Variants in MTOR observed in about 807,000 individuals in gnomAD.
MTOR encodes mechanistic target of rapamycin kinase.
Under a neutral mutation model 319.8 loss-of-function variants are expected in MTOR, and 70 were observed. The observed-to-expected ratio is 0.22, with a 90% CI of 0.18 to 0.27. MTOR has a LOEUF of 0.27. Ranked by LOEUF, MTOR falls within the 10% of genes least tolerant of loss-of-function variation. MTOR has a pLI of 1.00. For missense variants in MTOR, 1,890 were observed against 3,274.4 expected (o/e 0.58, Z 10.32); for synonymous variants, 1,183 against 1,211.4 (o/e 0.98, Z 0.49).
intron 28 of MTOR, chr1:11,189,650 C>T (rs757936149): frequency 1.9e-5 from 30 of 1,614,002 alleles, no homozygotes; most frequent in South Asian, 1.5e-4. Flanking sequence ...AGCCACCCAG[C>T]GTGGCTGCAG....
chr1:11,205,383 C>G (rs1646105161), intron 25 of MTOR, among the ~76,000 whole-genome samples: 2 of 152,222 alleles, frequency 1.3e-5, no homozygotes, highest in Non-Finnish European at 1.5e-5. Context: ...AGTTATATAA[C>G]ATAATTGGCT....
intron 10 of MTOR, 142 bp downstream of exon 10, chr1:11,241,411 T>C: frequency 1.1e-6 from 1 of 919,668 alleles, no homozygotes; most frequent in Non-Finnish European, 1.6e-6. Context: ...TAGGATTCAG[T>C]ACTAGCCTGT....
chr1:11,224,934 G>A (rs2100838421), intron 19 of MTOR, among the ~76,000 whole-genome samples: 1 of 152,254 alleles, frequency 6.6e-6, no homozygotes, highest in South Asian at 2.1e-4. Context: ...AGTTTTAAGT[G>A]AAAGAAGCCA....
In MTOR at chr1:11,115,338, GA is replaced by G; in HGVS notation, c.7089+57del. Reference sequence around the variant, plus strand: ...CTTAAGTCTGCCTACAGTGTCAGAGGAGGGGGAAAAGTGATCACCCGGGAAG... The same window carrying G: ...CTTAAGTCTGCCTACAGTGTCAGAGGGGGGGAAAAGTGATCACCCGGGAAG... On this transcript the variant is annotated intron_variant, in intron 51 of 57. Transcript: ENST00000361445. The surrounding 1 kb of genome is among the most constrained non-coding windows in gnomAD (Gnocchi z 4.5). 6.5e-7 allele frequency: 1 copy of G among 1,541,314 alleles called. No homozygotes were observed. Among genetic ancestry groups the G allele is most frequent in the African/African-American group, 1.4e-5 (1 of 73,490 alleles).
chr1:11,175,674 T>G (rs924781147), intron 28 of MTOR, among the ~76,000 whole-genome samples: 1 of 151,572 alleles, frequency 6.6e-6, no homozygotes, highest in Non-Finnish European at 1.5e-5. Context: ...GGAGTGACGG[T>G]AGAGCAGCTC....
chr1:11,124,160 G>C (rs1014351648), intron 47 of MTOR, among the ~76,000 whole-genome samples: 3 of 151,988 alleles, frequency 2.0e-5, no homozygotes, highest in Non-Finnish European at 4.4e-5. Context: ...GAATTCCTGG[G>C]CTCAAGTGAT....
At chr1:11,222,016 G>C (rs1417487489) in intron 19 of MTOR, among the ~76,000 whole-genome samples, 3 of 151,348 alleles carry the variant, frequency 2.0e-5, no homozygotes, top group Admixed American at 6.6e-5. Context: ...TGGGAGGTGG[G>C]AAGGTGCCTG....
intron 25 of MTOR, 145 bp from the exon 26 acceptor site, chr1:11,204,848 G>C: frequency 1.0e-6 from 1 of 992,796 alleles, no homozygotes. Flanking sequence ...AAATACAAAA[G>C]AATAATATTT....
At position 11,115,627 on chromosome 1, in the gene MTOR, C is replaced by A; in HGVS notation, c.7017-159G>T. ...TTCTGCAAGTCCAGTTTTACTGGAA[C>A]ACACAGCACGCTCCCTTGTTTAAGT... On this transcript the variant is annotated intron_variant, in intron 50 of 57. Transcript: ENST00000361445. The surrounding 1 kb of genome is among the most constrained non-coding windows in gnomAD (Gnocchi z 4.5). 1.5e-6 allele frequency: 1 copy of A among 652,000 alleles called. No individual in the cohort carries two copies. 40.4% of individuals were successfully genotyped at this position (652,000 alleles called of 1,614,324 possible). A position where few individuals can be genotyped will look rare whatever the true frequency, so the allele number is the denominator to read the frequency against.
At chr1:11,150,261 A>T in intron 30 of MTOR, 35 bp from the exon 31 acceptor site, 1 of 1,565,632 alleles carries the variant, frequency 6.4e-7, no homozygotes, top group Non-Finnish European at 8.7e-7. Flanking sequence ...AGATTAATCC[A>T]AATCTCCTTA....
chr1:11,121,090 C>G lies in MTOR; in HGVS notation c.6933+156G>C, dbSNP rs17848567. 8.5e-5 allele frequency among the ~76,000 whole-genome samples: 13 copies of G among 152,340 alleles called. No homozygotes were observed. In the East Asian group the frequency reaches 2.5e-3, roughly 29 times the overall value. ...ATTCTAACTCTGTGAACTTGTCTTGCTCACCCATTTCATTTTTGTTAGAAA... is the reference window on the plus strand; with the variant it reads ...ATTCTAACTCTGTGAACTTGTCTTGGTCACCCATTTCATTTTTGTTAGAAA... On this transcript the variant is annotated intron_variant, in intron 49 of 57. Transcript: ENST00000361445. This position sits in a 1 kb window ranked among gnomAD's most constrained non-coding sequence, Gnocchi z 4.9.
intron 19 of MTOR, among the ~76,000 whole-genome samples, chr1:11,218,140 T>C (rs1646536545): frequency 6.6e-6 from 1 of 152,128 alleles, no homozygotes; most frequent in Non-Finnish European, 1.5e-5. Context: ...TATACAAATA[T>C]GTTATTACAG....
intron 33 of MTOR, 106 bp downstream of exon 33, chr1:11,144,862 A>G (rs1643880674): frequency 6.6e-7 from 1 of 1,506,192 alleles, no homozygotes; most frequent in African/African-American, 1.4e-5. Flanking sequence ...CCGATCAGAG[A>G]AAACAGGCAT....
rs1263698950 is a variant in MTOR at position 11,134,475 on chromosome 1, G to C, written c.5131-9C>G. 4 of 1,613,488 alleles carry C rather than the reference G, an allele frequency of 2.5e-6. No individual in the cohort carries two copies. In the South Asian group the frequency reaches 3.3e-5, roughly 13 times the overall value. On this transcript the variant is annotated splice_polypyrimidine_tract_variant and intron_variant, in intron 36 of 57. Coordinates refer to ENST00000361445, the MANE Select transcript of MTOR (RefSeq NM_004958.4). ...TGCTGGAAGGCATCGATCTGTAACA[G>C]GACAAAGGCACAGAGAGCCACTTGG...
chr1:11,114,219 T>C (rs1642044518), intron 53 of MTOR, 99 bp downstream of exon 53: 2 of 1,487,366 alleles, frequency 1.3e-6, no homozygotes, highest in Non-Finnish European at 1.8e-6. Flanking sequence ...GGTCTCGAAC[T>C]CCTGGCCTCA....
At chr1:11,154,926 G>T (rs934259071) in intron 30 of MTOR, among the ~76,000 whole-genome samples, 1 of 151,660 alleles carries the variant, frequency 6.6e-6, no homozygotes, top group Non-Finnish European at 1.5e-5. Context: ...AGGGAGGATC[G>T]CTTGAACCCC....
intron 19 of MTOR, among the ~76,000 whole-genome samples, chr1:11,217,114 A>C (rs999965543): frequency 6.6e-6 from 1 of 152,176 alleles, no homozygotes; most frequent in East Asian, 1.9e-4. Flanking sequence ...GGTCTTAATT[A>C]ATTAACTATG....
At chr1:11,249,568 T>C (rs1206100724) in intron 6 of MTOR, among the ~76,000 whole-genome samples, 1 of 144,518 alleles carries the variant, frequency 6.9e-6, no homozygotes, top group Non-Finnish European at 1.5e-5. Context: ...CCCTGCGGCC[T>C]TCCGCAGTGT....
At position 11,115,680 on chromosome 1, in the gene MTOR, A is replaced by G. The variant is rs760216502; in HGVS notation, c.7017-212T>C. 9 of 533,884 alleles carry G rather than the reference A, an allele frequency of 1.7e-5. No homozygotes were observed. Among genetic ancestry groups the G allele is most frequent in the Admixed American group, 3.0e-5 (1 of 32,800 alleles). The allele number at this position is 533,884 out of a possible 1,614,324, so 33.1% of individuals were successfully genotyped here. A position where few individuals can be genotyped will look rare whatever the true frequency, so the allele number is the denominator to read the frequency against. On this transcript the variant is annotated intron_variant, in intron 50 of 57. Transcript: ENST00000361445. This position sits in a 1 kb window ranked among gnomAD's most constrained non-coding sequence, Gnocchi z 4.5. ...TGTTCCAGGCTGCTTCCATGCTACG[A>G]CAGCAGAGCTGACTAGTTGTGACAG...
Sources: allele counts gnomAD v4.1 joint callset (sites outside exome capture counted in the v4.1 genomes callset), GRCh38; gene constraint gnomAD v4.1.1; non-coding constraint Gnocchi (gnomAD v3.1); transcripts MANE v1.5; gene names NCBI Gene and HGNC (gene_info 2026-07-23, HGNC 2026-07-21).